NEURL1B: variants seen among roughly 807,000 people sequenced by gnomAD.
NEURL1B encodes the protein neuralized E3 ubiquitin protein ligase 1B.
In NEURL1B, 13 loss-of-function variants were observed where a neutral mutation model predicts 37.4. The ratio of observed to expected loss-of-function variants is 0.35; its 90% CI spans 0.23 to 0.55. The LOEUF is 0.55. NEURL1B is among the 20% of genes least tolerant of loss of function. The pLI is 0.89. For synonymous variants in NEURL1B, 432 were observed against 426.6 expected (o/e 1.01, Z -0.16); for missense variants, 790 against 879.2 (o/e 0.90, Z 1.28).
At chr5:172,666,181 A>C (rs982183786) in intron 1 of NEURL1B, among the ~76,000 whole-genome samples, 72 of 148,240 alleles carry the variant, frequency 4.9e-4, no homozygotes, top group East Asian at 9.8e-4. Context: ...AACAAACAAC[A>C]ACCACCACCA....
intron 1 of NEURL1B, among the ~76,000 whole-genome samples, chr5:172,645,387 G>A (rs1757541756): frequency 6.6e-6 from 1 of 152,134 alleles, no homozygotes; most frequent in South Asian, 2.1e-4. Context: ...CCAGATAAGG[G>A]GCCATGTGGA....
Position 172,683,922 on chromosome 5 carries a change from G to A in NEURL1B, c.1081G>A (p.Ala361Thr). Residue 361 changes from alanine (A) to threonine (T), a missense_variant, in exon 3 of 5, where the codon GCG becomes ACG. Physicochemically the swap from Ala to Thr is moderately conservative, Grantham distance 58. This residue lies in a region of NEURL1B where 460 missense variants were observed against 407.4 expected (regional missense o/e 1.13). Coordinates refer to ENST00000369800, the MANE Select transcript of NEURL1B (RefSeq NM_001142651.3). This position sits in a 1 kb window ranked among gnomAD's most constrained non-coding sequence, Gnocchi z 5.6. Reference sequence around the variant, plus strand: ...CAACGAGCTGCCCGCCGACCCAGACGCGCTGCTCGACCGCAAAGAGTACTG... The same window carrying A: ...CAACGAGCTGCCCGCCGACCCAGACACGCTGCTCGACCGCAAAGAGTACTG... Reference protein sequence around the residue: ...RPNELPADPDALLDRKEYWVV... With the variant: ...RPNELPADPDTLLDRKEYWVV... 3 of 1,408,042 alleles carry A rather than the reference G, an allele frequency of 2.1e-6. No homozygotes were observed. The highest frequency in any genetic ancestry group is 1.9e-6 in the Non-Finnish European group (2 of 1,075,518). 87.2% of individuals were successfully genotyped at this position (1,408,042 alleles called of 1,614,324 possible). A position where few individuals can be genotyped will look rare whatever the true frequency, so the allele number is the denominator to read the frequency against.
intron 1 of NEURL1B, among the ~76,000 whole-genome samples, chr5:172,649,655 C>T (rs941189592): frequency 6.6e-6 from 1 of 152,188 alleles, no homozygotes; most frequent in African/African-American, 2.4e-5. Context: ...AGCCACCACT[C>T]CTGCCTGGCA....
At chr5:172,672,543 C>CCCG (rs1554098447) in intron 2 of NEURL1B, among the ~76,000 whole-genome samples, 2 of 144,100 alleles carry the variant, frequency 1.4e-5, no homozygotes, top group South Asian at 2.4e-4. Context: ...TGAACTCTCC[C>CCCG]CCCCCCACTC....
At chr5:172,642,443 T>C (rs1310301412) in intron 1 of NEURL1B, among the ~76,000 whole-genome samples, 2 of 151,404 alleles carry the variant, frequency 1.3e-5, no homozygotes, top group Non-Finnish European at 2.9e-5. Context: ...GTGAGAGGAG[T>C]GTGTGTGTGT....
rs151138756 is a variant in NEURL1B, at chr5:172,667,047, C to T, written c.32-2738C>T. ...GTGCTGAGCCCAGGGAAACCAAAGA[C>T]GGCATGGACAACCCCCTGCCCTCCA... is the stretch of plus-strand genomic sequence containing the variant. On this transcript the variant is annotated intron_variant, in intron 1 of 4. Transcript: ENST00000369800. Among the ~76,000 whole-genome samples, 145 of 152,170 alleles carry T rather than the reference C, an allele frequency of 9.5e-4. No individual in the cohort carries two copies. In the East Asian group the frequency reaches 0.013, roughly 14 times the overall value.
At chr5:172,677,307 G>GC (rs1407097888) in intron 2 of NEURL1B, among the ~76,000 whole-genome samples, 1 of 152,176 alleles carries the variant, frequency 6.6e-6, no homozygotes, top group East Asian at 1.9e-4. Flanking sequence ...GAGCGAGACC[G>GC]CCGCTGCATG....
At position 172,641,511 on chromosome 5, in the gene NEURL1B, G is replaced by C; in HGVS notation, c.31+74G>C. On this transcript the variant is annotated intron_variant, in intron 1 of 4. Transcript: ENST00000369800. The surrounding 1 kb of genome is among the most constrained non-coding windows in gnomAD (Gnocchi z 6.4). The stretch of plus-strand genomic sequence containing the variant: ...CCGGGGGACCCGCTGGGTGACTCTG[G>C]AGAGCTACCCCACGGCCCTTGGAGC... 8.5e-7 allele frequency: 1 copy of C among 1,182,146 alleles called. No individual in the cohort carries two copies. The highest frequency in any genetic ancestry group is 1.1e-6 in the Non-Finnish European group (1 of 936,644). The allele number at this position is 1,182,146 out of a possible 1,614,324, so 73.2% of individuals were successfully genotyped here. A position where few individuals can be genotyped will look rare whatever the true frequency, so the allele number is the denominator to read the frequency against.
rs1447298714 is a variant in NEURL1B, at chr5:172,690,247, C to T, written c.*3322C>T. On this transcript the variant is annotated 3_prime_UTR_variant, in exon 5 of 5. Coordinates refer to ENST00000369800, the MANE Select transcript of NEURL1B (RefSeq NM_001142651.3). ...AAGCAAATCCAGCTCCTTGTCCTAG[C>T]AGGTTCTCAGAACGGGGAGTCCCCT... 1 of 152,288 alleles carries T rather than the reference C, an allele frequency of 6.6e-6. No homozygotes were observed. The highest frequency in any genetic ancestry group is 1.5e-5 in the Non-Finnish European group (1 of 68,076). The allele number at this position is 152,288 out of a possible 1,614,324, so 9.4% of individuals were successfully genotyped here.
chr5:172,660,576 G>A (rs144709253), intron 1 of NEURL1B, among the ~76,000 whole-genome samples: 178 of 152,364 alleles, frequency 1.2e-3, no homozygotes, highest in African/African-American at 3.9e-3. Context: ...GCTGGTGTCT[G>A]TCTCCTGAGT....
chr5:172,677,166 C>A (rs906999854), intron 2 of NEURL1B, among the ~76,000 whole-genome samples: 1 of 152,112 alleles, frequency 6.6e-6, no homozygotes, highest in South Asian at 2.1e-4. Context: ...CCAGTGGGAG[C>A]CACGCGGAGT....
intron 2 of NEURL1B, among the ~76,000 whole-genome samples, chr5:172,677,467 A>G (rs1239545408): frequency 1.3e-5 from 2 of 152,122 alleles, no homozygotes; most frequent in Admixed American, 1.3e-4. Flanking sequence ...AAGTGGGGAA[A>G]CTGAGGTCAC....
chr5:172,676,954 G>T lies in NEURL1B; in HGVS notation c.578-6465G>T, dbSNP rs1758243369. 6.6e-6 allele frequency among the ~76,000 whole-genome samples: 1 copy of T among 152,186 alleles called. No homozygotes were observed. Among genetic ancestry groups the T allele is most frequent in the African/African-American group, 2.4e-5 (1 of 41,440 alleles). ...CTTATGGAGTTAAATGCAGGGTTCG[G>T]AGGTCTGAGCGCACCATTCCAGGCT... On this transcript the variant is annotated intron_variant, in intron 2 of 4. Transcript: ENST00000369800. This position sits in a 1 kb window ranked among gnomAD's most constrained non-coding sequence, Gnocchi z 4.5.
At chr5:172,668,040 A>T (rs1163895298) in intron 1 of NEURL1B, among the ~76,000 whole-genome samples, 1 of 151,878 alleles carries the variant, frequency 6.6e-6, no homozygotes, top group African/African-American at 2.4e-5. Flanking sequence ...TCTGCTCCAA[A>T]GCCACTCATC....
In NEURL1B at chr5:172,683,825, C is replaced by T. The variant is rs1173364406; in HGVS notation, c.984C>T (p.Gly328=). The T allele has an allele frequency of 3.0e-6, 4 of 1,318,408 alleles. 1 individual carries two copies. The highest frequency in any genetic ancestry group is 3.6e-5 in the South Asian group (2 of 56,310). 81.7% of individuals were successfully genotyped at this position (1,318,408 alleles called of 1,614,324 possible). Residue 328 remains glycine, a synonymous_variant, in exon 3 of 5, where the codon GGC becomes GGT. Transcript: ENST00000369800. The surrounding 1 kb of genome is among the most constrained non-coding windows in gnomAD (Gnocchi z 5.6). ...RPGESLFVEV[G]RPGLAAPGAL... ...GCGAGAGCCTCTTCGTGGAGGTGGG[C>T]CGTCCGGGGCTGGCGGCGCCCGGCG... is the stretch of plus-strand genomic sequence containing the variant.
At chr5:172,643,628 C>T (rs1757508153) in intron 1 of NEURL1B, among the ~76,000 whole-genome samples, 2 of 152,134 alleles carry the variant, frequency 1.3e-5, no homozygotes, top group African/African-American at 4.8e-5. Context: ...CCTGGTTGCC[C>T]ATCCCAGAGA....
rs924475980 is a variant in NEURL1B, at chr5:172,647,032, G to A, written c.31+5595G>A. Among the ~76,000 whole-genome samples, 1 of 152,166 alleles carries A rather than the reference G, an allele frequency of 6.6e-6. No individual in the cohort carries two copies. Among genetic ancestry groups the A allele is most frequent in the Non-Finnish European group, 1.5e-5 (1 of 68,022 alleles). On this transcript the variant is annotated intron_variant, in intron 1 of 4. Transcript: ENST00000369800. This position sits in a 1 kb window ranked among gnomAD's most constrained non-coding sequence, Gnocchi z 4.2. ...TTTCTCAGCTGCCACACTCCCAACC[G>A]GGATAATGTGCTGTGTTTGCCAGCA...
At chr5:172,644,462 A>G (rs1389637530) in intron 1 of NEURL1B, among the ~76,000 whole-genome samples, 2 of 152,206 alleles carry the variant, frequency 1.3e-5, no homozygotes, top group Admixed American at 6.5e-5. Context: ...GGCATGCTAC[A>G]CTATACAATA....
chr5:172,670,035 C>T lies in NEURL1B; in HGVS notation c.282C>T (p.Ser94=). 1 of 1,502,656 alleles carries T rather than the reference C, an allele frequency of 6.7e-7. No individual in the cohort carries two copies. The highest frequency in any genetic ancestry group is 8.8e-7 in the Non-Finnish European group (1 of 1,132,294). 93.1% of individuals were successfully genotyped at this position (1,502,656 alleles called of 1,614,324 possible). A position where few individuals can be genotyped will look rare whatever the true frequency, so the allele number is the denominator to read the frequency against. ...LRLVAVRPGW[S]GALRFGFTAH... is the part of the protein sequence containing the mutation. The stretch of plus-strand genomic sequence containing the variant: ...TGGTGGCCGTGCGCCCTGGCTGGAG[C>T]GGCGCGCTGCGCTTCGGCTTCACCG... The change falls in exon 2 of 5, where the codon AGC becomes AGT. Residue 94 remains serine, a synonymous_variant. Coordinates refer to ENST00000369800, the MANE Select transcript of NEURL1B (RefSeq NM_001142651.3).
Sources: gnomAD v4.1 joint callset for allele counts (sites outside exome capture counted in the v4.1 genomes callset) on GRCh38, gnomAD v4.1.1 for gene constraint, gnomAD v4.1.1 regional missense constraint, Gnocchi (gnomAD v3.1) non-coding constraint, MANE v1.5 for transcripts, NCBI Gene and HGNC (gene_info 2026-07-23, HGNC 2026-07-21) for gene names.